RALGAPA1: variants seen among roughly 807,000 people sequenced by gnomAD.
The protein encoded by RALGAPA1 is ral GTPase-activating protein subunit alpha-1.
RALGAPA1 carries 52 observed loss-of-function variants against 269.6 expected under a neutral mutation model. That is an observed-to-expected ratio of 0.19 (90% CI 0.15 to 0.24). The LOEUF (loss-of-function observed/expected upper bound fraction) is 0.24, where lower values mean the gene tolerates loss of function less well. RALGAPA1 is among the 10% of genes least tolerant of loss of function. The pLI is 1.00. For synonymous variants in RALGAPA1, 817 were observed against 1,008.3 expected, an observed-to-expected ratio of 0.81 and a Z score of 3.60; for missense variants, 1,917 against 3,013.9, an observed-to-expected ratio of 0.64 and a Z score of 8.52.
chr14:35,568,541 A>G (rs1359526835), intron 39 of RALGAPA1, among the ~76,000 whole-genome samples: 1 of 152,220 alleles, frequency 6.6e-6, no homozygotes, highest in Non-Finnish European at 1.5e-5. Flanking sequence ...AATTCCTAAA[A>G]AAGGCACATG....
chr14:35,650,168 T>C (rs1429535153), intron 31 of RALGAPA1, among the ~76,000 whole-genome samples: 1 of 152,002 alleles, frequency 6.6e-6, no homozygotes, highest in South Asian at 2.1e-4. Flanking sequence ...GGCCAGGAGT[T>C]TGAGACCGGC....
chr14:35,582,639 T>C (rs1408307964), intron 37 of RALGAPA1, among the ~76,000 whole-genome samples: 2 of 152,190 alleles, frequency 1.3e-5, no homozygotes, highest in African/African-American at 4.8e-5. Context: ...TTCCCTACTT[T>C]TGTGAGTTTT....
At position 35,725,152 on chromosome 14, in the gene RALGAPA1, C is replaced by A; in HGVS notation, c.1738G>T (p.Glu580Ter). 1.3e-6 allele frequency: 2 copies of A among 1,542,234 alleles called. No individual in the cohort carries two copies. Among genetic ancestry groups the A allele is most frequent in the South Asian group, 2.6e-5 (2 of 76,280 alleles). Residue 580 changes from glutamate (E) to a stop codon, truncating the protein, a stop_gained and splice_region_variant, in exon 14 of 42, where the codon GAA becomes TAA. Coordinates refer to ENST00000680220, the MANE Select transcript of RALGAPA1 (RefSeq NM_001346249.2). LOFTEE classifies it high-confidence loss of function. ...VQVSMDKKTW[E>*]QMLLVLLRVT... is the part of the protein sequence containing the mutation. ...CTGAGCAACACAAGCAGCATCTGTT[C>A]CCTTAAAATAAAAAGACTGATTAAT...
chr14:35,802,663 G>GTTT (rs200361815), intron 1 of RALGAPA1, among the ~76,000 whole-genome samples: 1 of 134,536 alleles, frequency 7.4e-6, no homozygotes, highest in African/African-American at 2.8e-5. Flanking sequence ...GTGGTGGTGG[G>GTTT]TTTTTTTTTT....
At chr14:35,684,118 G>A (rs2065712132) in intron 20 of RALGAPA1, 133 bp from the exon 21 acceptor site, 1 of 646,904 alleles carries the variant, frequency 1.5e-6, no homozygotes, top group East Asian at 2.8e-5. Flanking sequence ...ACTCAGACAA[G>A]TGTAAATAAT....
Position 35,721,824 on chromosome 14 carries a change from A to G in RALGAPA1, c.2130T>C (p.Val710=), listed in dbSNP as rs2296168. Residue 710 remains valine (V), a synonymous_variant, in exon 16 of 42, where the codon GTT becomes GTC. Transcript: ENST00000680220. ...CTCTAGAAAATGACTTGTCAACTGA[A>G]ACTTTCTGAAATTCATGTCCAACTC... is the stretch of plus-strand genomic sequence containing the variant. ...GKGVGHEFQK[V]SVDKSFSRGW... is the part of the protein sequence containing the mutation. 0.068 allele frequency: 109,147 copies of G among 1,612,724 alleles called. 7,455 individuals are homozygous for G. Among genetic ancestry groups the G allele is most frequent in the East Asian group, 0.43 (19,147 of 44,834 alleles).
At chr14:35,672,249 C>T (rs1416097959) in intron 25 of RALGAPA1, among the ~76,000 whole-genome samples, 3 of 151,994 alleles carry the variant, frequency 2.0e-5, no homozygotes, top group South Asian at 4.1e-4. Flanking sequence ...AAATGACCTA[C>T]GAGTTCATCA....
intron 36 of RALGAPA1, among the ~76,000 whole-genome samples, chr14:35,596,427 C>A (rs1220751248): frequency 6.6e-6 from 1 of 151,660 alleles, no homozygotes; most frequent in Admixed American, 6.6e-5. Flanking sequence ...GTGTTCATTA[C>A]AGAAAATTAG....
intron 11 of RALGAPA1, 35 bp from the exon 12 acceptor site, chr14:35,738,685 A>G: frequency 6.4e-7 from 1 of 1,563,916 alleles, no homozygotes; most frequent in Non-Finnish European, 8.7e-7. Flanking sequence ...ATATTTCATT[A>G]CTAAGAATGC....
chr14:35,706,226 C>A (rs1461665973), intron 16 of RALGAPA1, among the ~76,000 whole-genome samples: 1 of 152,124 alleles, frequency 6.6e-6, no homozygotes, highest in Non-Finnish European at 1.5e-5. Context: ...CCAAGGTGTC[C>A]TAGACTTTCT....
At chr14:35,621,719 T>G (rs2060642458) in intron 35 of RALGAPA1, among the ~76,000 whole-genome samples, 1 of 152,114 alleles carries the variant, frequency 6.6e-6, no homozygotes, top group Non-Finnish European at 1.5e-5. Context: ...GAACAGACAC[T>G]TCTCAAAAGA....
intron 16 of RALGAPA1, among the ~76,000 whole-genome samples, chr14:35,713,164 T>C (rs1357896506): frequency 6.6e-6 from 1 of 152,192 alleles, no homozygotes; most frequent in Non-Finnish European, 1.5e-5. Context: ...GAAAAACTGA[T>C]GCAGGGAAGT....
chr14:35,561,326 T>C (rs1177353096), intron 39 of RALGAPA1, among the ~76,000 whole-genome samples: 2 of 147,606 alleles, frequency 1.4e-5, no homozygotes, highest in Non-Finnish European at 3.0e-5. Flanking sequence ...ACTGACATAA[T>C]CAAAAATATA....
intron 22 of RALGAPA1, 49 bp downstream of exon 22, chr14:35,677,895 CCTGACA>C: frequency 6.6e-7 from 1 of 1,522,656 alleles, no homozygotes; most frequent in South Asian, 1.1e-5. Context: ...TTTATGATCT[CCTGACA>C]CTGACGCCCT....
At chr14:35,763,525 A>G (rs900283934) in intron 4 of RALGAPA1, among the ~76,000 whole-genome samples, 1 of 152,134 alleles carries the variant, frequency 6.6e-6, no homozygotes, top group Admixed American at 6.5e-5. Flanking sequence ...TTATTTTTTT[A>G]AAAAGTTATT....
rs1205776852 is a variant in RALGAPA1, at chr14:35,809,241, G to T, written c.-406C>A. 2 of 200,624 alleles carry T rather than the reference G, an allele frequency of 1.0e-5. No individual in the cohort carries two copies. The highest frequency in any genetic ancestry group is 2.4e-5 in the African/African-American group (1 of 41,936). The allele number at this position is 200,624 out of a possible 1,614,324, so 12.4% of individuals were successfully genotyped here. On this transcript the variant is annotated 5_prime_UTR_variant, in exon 1 of 42. Transcript: ENST00000680220. ...ACTCTCTCCCTGAGGCCCCCTTAAG[G>T]TTGAAGCTTCTTTAGCAGCTTACAC...
chr14:35,674,749 A>G, intron 22 of RALGAPA1, 40 bp from the exon 23 acceptor site: 1 of 1,039,268 alleles, frequency 9.6e-7, no homozygotes, highest in South Asian at 1.7e-5. Flanking sequence ...TTTTTCAGTG[A>G]ACTGAACATA....
chr14:35,568,059 A>T (rs1030032085), intron 39 of RALGAPA1, among the ~76,000 whole-genome samples: 3 of 152,204 alleles, frequency 2.0e-5, no homozygotes, highest in African/African-American at 4.8e-5. Flanking sequence ...AATAACCTGT[A>T]TATTACATGT....
In RALGAPA1 at chr14:35,678,009, T is replaced by C; in HGVS notation, c.4565A>G (p.Lys1522Arg). Residue 1522 changes from lysine to arginine, a missense_variant, in exon 22 of 42, where the codon AAG becomes AGG. This residue lies in a region of RALGAPA1 where 73 missense variants were observed against 190.6 expected (regional missense o/e 0.38). Transcript: ENST00000680220. ...STLNIDHMEQKDLQLDEKLHH... is the reference protein window; with the variant it reads ...STLNIDHMEQRDLQLDEKLHH... ...GAGCTTCTCGTCGAGCTGCAGATCC[T>C]TCTGTTCCATGTGATCTATATTCAA... 6.2e-7 allele frequency: 1 copy of C among 1,613,690 alleles called. No individual in the cohort carries two copies. The highest frequency in any genetic ancestry group is 2.2e-5 in the East Asian group (1 of 44,848).
Sources: allele counts gnomAD v4.1 joint callset (sites outside exome capture counted in the v4.1 genomes callset), GRCh38; gene constraint gnomAD v4.1.1; regional missense constraint gnomAD v4.1.1; transcripts MANE v1.5; gene names NCBI Gene and HGNC (gene_info 2026-07-23, HGNC 2026-07-21).